The following C2 variants were observed in gnomAD, a reference collection of about 807,000 sequenced individuals.
C2 encodes the protein complement C2.
C2 carries 64 observed loss-of-function variants against 85.2 expected under a neutral mutation model. The observed-to-expected ratio is 0.75, with a 90% CI of 0.61 to 0.92. The LOEUF is 0.92. C2 is among the 40% of genes least tolerant of loss of function. C2 has a pLI of 0.00. For synonymous variants in C2, 311 were observed against 370.8 expected, an observed-to-expected ratio of 0.84 and a Z score of 1.85; for missense variants, 820 against 971.6, an observed-to-expected ratio of 0.84 and a Z score of 2.07.
chr6:31,906,585 C>A (rs1312208454), intron 1 of C2, among the ~76,000 whole-genome samples: 2 of 151,894 alleles, frequency 1.3e-5, no homozygotes, highest in African/African-American at 2.4e-5. Context: ...GAAAAAGACT[C>A]TTCCACTTCT....
upstream of C2, among the ~76,000 whole-genome samples, chr6:31,919,214 A>G (rs1384780115): frequency 6.8e-6 from 1 of 147,576 alleles, no homozygotes; most frequent in Non-Finnish European, 1.5e-5. Flanking sequence ...GTGCAATCTC[A>G]GCTCACAGCA....
At chr6:31,902,262 C>T (rs531360135) in intron 1 of C2, among the ~76,000 whole-genome samples, 76 of 151,904 alleles carry the variant, frequency 5.0e-4, no homozygotes, top group Admixed American at 1.1e-3. Context: ...TCCTCTGTAC[C>T]TCCAAGCCCC....
chr6:31,929,611 C>T (rs1459599653), intron 3 of C2, among the ~76,000 whole-genome samples: 1 of 148,892 alleles, frequency 6.7e-6, no homozygotes, highest in Non-Finnish European at 1.5e-5. Flanking sequence ...ACCAGCTATT[C>T]AGGAGGCTGA....
chr6:31,926,585 G>A (rs971196219), upstream of C2, among the ~76,000 whole-genome samples: 4 of 151,744 alleles, frequency 2.6e-5, no homozygotes, highest in Non-Finnish European at 5.9e-5. Context: ...ACCCGCCTCA[G>A]CCTCCCAAAA....
At chr6:31,940,794 C>T (rs1009208259) in intron 9 of C2, among the ~76,000 whole-genome samples, 13 of 152,358 alleles carry the variant, frequency 8.5e-5, no homozygotes, top group African/African-American at 3.1e-4. Flanking sequence ...AGAAAACGCA[C>T]AAGGCACGAT....
chr6:31,930,881 A>T (rs1769682855), intron 3 of C2, among the ~76,000 whole-genome samples: 1 of 152,232 alleles, frequency 6.6e-6, no homozygotes. Flanking sequence ...AAATGTACAA[A>T]TCTTAACTAT....
At position 31,928,679 on chromosome 6, in the gene C2, C is replaced by T. The variant is rs922784050; in HGVS notation, c.257-53C>T. ...TAAAATCACCTGCTTAATCCCCAGC[C>T]CAGGTGTTATCCATCCAGTCCTATA... On this transcript the variant is annotated intron_variant, in intron 2 of 17. Transcript: ENST00000299367. 1.9e-6 allele frequency: 3 copies of T among 1,570,988 alleles called. No individual in the cohort carries two copies. The African/African-American group carries it at 4.1e-5, about 21-fold the overall frequency.
chr6:31,917,115 G>T (rs1768587122), upstream of C2, among the ~76,000 whole-genome samples: 1 of 149,128 alleles, frequency 6.7e-6, no homozygotes, highest in South Asian at 2.1e-4. Context: ...AGGTTGCAGT[G>T]AGCCAAGACG....
intron 9 of C2, 107 bp from the exon 10 acceptor site, chr6:31,942,852 C>G: frequency 7.1e-7 from 1 of 1,413,714 alleles, no homozygotes; most frequent in Non-Finnish European, 9.9e-7. Flanking sequence ...AGGGGTCCAG[C>G]TCATGTAGGT....
At chr6:31,909,837 T>C (rs912363789) in intron 1 of C2, among the ~76,000 whole-genome samples, 1 of 151,990 alleles carries the variant, frequency 6.6e-6, no homozygotes, top group African/African-American at 2.4e-5. Context: ...CAAGCTTCAA[T>C]TTCTCCATAT....
rs1247178614 is a variant in C2 at position 31,945,156 on chromosome 6, C to T, written c.2080-22C>T. 2 of 1,612,660 alleles carry T rather than the reference C, an allele frequency of 1.2e-6. No individual in the cohort carries two copies. Among genetic ancestry groups the T allele is most frequent in the South Asian group, 1.1e-5 (1 of 91,066 alleles). Reference sequence around the variant, plus strand: ...AGTTGGGGCTGTGGCAGCCTCCCAGCCAGTTCTCTCCTTTTCTCCAGGTGG... The same window carrying T: ...AGTTGGGGCTGTGGCAGCCTCCCAGTCAGTTCTCTCCTTTTCTCCAGGTGG... On this transcript the variant is annotated intron_variant, in intron 17 of 17. Coordinates refer to ENST00000299367, the MANE Select transcript of C2 (RefSeq NM_000063.6). This position sits in a 1 kb window ranked among gnomAD's most constrained non-coding sequence, Gnocchi z 5.3.
chr6:31,944,823 G>A lies in C2; in HGVS notation c.1999G>A (p.Gly667Arg). The A allele has an allele frequency of 6.2e-7, 1 of 1,613,072 alleles. No homozygotes were observed. ...GGTGACAGACCAGTTCCTATGCAGT[G>A]GGACCCAGGAGGATGAGAGTCCCTG... ...EVVTDQFLCS[G>R]TQEDESPCKG... The change falls in exon 16 of 18, where the codon GGG (glycine) becomes AGG (arginine). Residue 667 changes from glycine to arginine, a missense_variant. Transcript: ENST00000299367. This position sits in a 1 kb window ranked among gnomAD's most constrained non-coding sequence, Gnocchi z 5.1.
In C2 at chr6:31,934,141, A is replaced by G. The variant is rs757057694; in HGVS notation, c.716-25A>G. On this transcript the variant is annotated intron_variant, in intron 5 of 17. Coordinates refer to ENST00000299367, the MANE Select transcript of C2 (RefSeq NM_000063.6). ...GCGCAGGAAGGAGGTGGGGATCTGA[A>G]TCCTCCCCTTCCACATTTCTCCAGA... 7 of 1,612,708 alleles carry G rather than the reference A, an allele frequency of 4.3e-6. No individual in the cohort carries two copies. The Admixed American group carries it at 1.2e-4, about 27-fold the overall frequency.
intron 1 of C2, chr6:31,901,742 G>A (rs1296082448): frequency 1.2e-5 from 2 of 173,194 alleles, no homozygotes; most frequent in African/African-American, 3.0e-5. Flanking sequence ...CCTCCCCCCC[G>A]CCGCCAGCAC....
upstream of C2, among the ~76,000 whole-genome samples, chr6:31,915,275 A>AT (rs2151719515): frequency 6.6e-6 from 1 of 152,230 alleles, no homozygotes; most frequent in South Asian, 2.1e-4. Flanking sequence ...GTCTAGTGTC[A>AT]TTGTGGCCTT....
At chr6:31,897,975 T>G (rs562147290), upstream of C2, 3 of 952,274 alleles carry the variant, frequency 3.2e-6, no homozygotes, top group Non-Finnish European at 1.3e-6. Context: ...TTCTCGGCTC[T>G]CGGCAGCGGC....
At chr6:31,906,608 T>C (rs1379045232) in intron 1 of C2, among the ~76,000 whole-genome samples, 1 of 151,898 alleles carries the variant, frequency 6.6e-6, no homozygotes, top group Non-Finnish European at 1.5e-5. Flanking sequence ...ACAAATATTC[T>C]ATCCTCTGAG....
At chr6:31,929,347 G>A (rs1278783471) in intron 3 of C2, among the ~76,000 whole-genome samples, 1 of 152,168 alleles carries the variant, frequency 6.6e-6, no homozygotes, top group Non-Finnish European at 1.5e-5. Context: ...CTAGCCCTCA[G>A]TTTTCCCATC....
Position 31,945,213 on chromosome 6 carries a change from C to T in C2, c.2115C>T (p.Cys705=), listed in dbSNP as rs992974249. The stretch of plus-strand genomic sequence containing the variant: ...TGAGCTGGGGTCTTTACAACCCCTG[C>T]CTTGGCTCTGCTGACAAAAACTCCC... ...GLVSWGLYNP[C]LGSADKNSRK... Residue 705 remains cysteine, a synonymous_variant, in exon 18 of 18, where the codon TGC becomes TGT. Coordinates refer to ENST00000299367, the MANE Select transcript of C2 (RefSeq NM_000063.6). This position sits in a 1 kb window ranked among gnomAD's most constrained non-coding sequence, Gnocchi z 5.3. 1 of 1,612,954 alleles carries T rather than the reference C, an allele frequency of 6.2e-7. No homozygotes were observed. Among genetic ancestry groups the T allele is most frequent in the Non-Finnish European group, 8.5e-7 (1 of 1,180,008 alleles).
Sources: gnomAD v4.1 joint callset for allele counts (sites outside exome capture counted in the v4.1 genomes callset) on GRCh38, gnomAD v4.1.1 for gene constraint, Gnocchi (gnomAD v3.1) non-coding constraint, MANE v1.5 for transcripts, NCBI Gene and HGNC (gene_info 2026-07-23, HGNC 2026-07-21) for gene names.